The following SGCB variants were observed in gnomAD, a reference collection of about 807,000 sequenced individuals.
SGCB encodes beta-sarcoglycan.
SGCB carries 25 observed loss-of-function variants against 27.3 expected under a neutral mutation model. The observed-to-expected ratio is 0.92, with a 90% CI of 0.67 to 1.28. The LOEUF (loss-of-function observed/expected upper bound fraction) is 1.28, where lower values mean the gene tolerates loss of function less well. SGCB is among the 50% of genes most tolerant of loss of function. The pLI is 0.00. For synonymous variants in SGCB, 147 were observed against 133.5 expected, an observed-to-expected ratio of 1.10 and a Z score of -0.70; for missense variants, 436 against 402.1, an observed-to-expected ratio of 1.08 and a Z score of -0.72.
chr4:52,028,412 C>A (rs936142422), intron 4 of SGCB, among the ~76,000 whole-genome samples: 2 of 152,082 alleles, frequency 1.3e-5, no homozygotes, highest in Non-Finnish European at 2.9e-5. Flanking sequence ...CCGAGACGGG[C>A]GGATCACGAG....
intron 1 of SGCB, 23 bp from the exon 2 acceptor site, chr4:52,033,663 TG>T: frequency 6.4e-7 from 1 of 1,558,530 alleles, no homozygotes; most frequent in Non-Finnish European, 8.9e-7. Context: ...TACAACATAA[TG>T]GAACAGCTAT....
At chr4:52,024,625 G>C (rs780625287) in intron 5 of SGCB, among the ~76,000 whole-genome samples, 1 of 151,832 alleles carries the variant, frequency 6.6e-6, no homozygotes, top group Non-Finnish European at 1.5e-5. Context: ...TCAGGAGATC[G>C]AGACCATCCT....
At chr4:52,037,845 C>T (rs1010660971) in intron 1 of SGCB, among the ~76,000 whole-genome samples, 5 of 152,204 alleles carry the variant, frequency 3.3e-5, no homozygotes, top group Admixed American at 6.5e-5. Context: ...GAGGAGCCTT[C>T]TCGCTGGGGC....
At position 52,029,875 on chromosome 4, in the gene SGCB, C is replaced by T. The variant is rs766755386; in HGVS notation, c.244-12G>A. On this transcript the variant is annotated splice_polypyrimidine_tract_variant and intron_variant, in intron 2 of 5. Coordinates refer to ENST00000381431, the MANE Select transcript of SGCB (RefSeq NM_000232.5). ...ATAACAAGTGTTATCTGAAAAAGAA[C>T]ACAAGTCCACTGTTGGTAGGCCGCA... is the stretch of plus-strand genomic sequence containing the variant. The T allele has an allele frequency of 4.4e-6, 7 of 1,603,996 alleles. No individual in the cohort carries two copies. The East Asian group carries it at 1.6e-4, about 36-fold the overall frequency.
intron 2 of SGCB, among the ~76,000 whole-genome samples, chr4:52,031,455 C>T (rs901205407): frequency 1.5e-5 from 2 of 137,678 alleles, no homozygotes; most frequent in African/African-American, 5.7e-5. Context: ...TGTGTGCACG[C>T]GCATATCTAT....
Position 52,033,521 on chromosome 4 carries a change from A to T in SGCB, c.153T>A (p.Arg51=). ...TTCCTCTCAACCCTGTTTTGTGGAG[A>T]CGATCTTCATCAATCGGAATGTATC... ...KAGYIPIDED[R]LHKTGLRGRK... Residue 51 remains arginine, a synonymous_variant, in exon 2 of 6, where the codon CGT becomes CGA. Transcript: ENST00000381431. The T allele has an allele frequency of 6.2e-7, 1 of 1,613,874 alleles. No individual in the cohort carries two copies. Among genetic ancestry groups the T allele is most frequent in the Non-Finnish European group, 8.5e-7 (1 of 1,179,818 alleles).
chr4:52,029,968 G>A, intron 2 of SGCB, 105 bp from the exon 3 acceptor site: 1 of 826,690 alleles, frequency 1.2e-6, no homozygotes, highest in Non-Finnish European at 2.0e-6. Context: ...CTCCTAAAAT[G>A]TTTTATCAGT....
At position 52,024,175 on chromosome 4, in the gene SGCB, G is replaced by C; in HGVS notation, c.754-15C>G. The C allele has an allele frequency of 6.2e-7, 1 of 1,601,268 alleles. No individual in the cohort carries two copies. Among genetic ancestry groups the C allele is most frequent in the Non-Finnish European group, 8.6e-7 (1 of 1,169,278 alleles). The stretch of plus-strand genomic sequence containing the variant: ...ATACTGTTTTCCTATTAGGAGAATA[G>C]TAATATGATTTATTTACCTCCATGA... On this transcript the variant is annotated splice_polypyrimidine_tract_variant and intron_variant, in intron 5 of 5. Transcript: ENST00000381431.
At position 52,031,924 on chromosome 4, in the gene SGCB, G is replaced by A. The variant is rs536150260; in HGVS notation, c.243+1507C>T. ...TTTTCTATATGCATCAGGAATCCCA[G>A]AGAAGGCTCTTCTGTCTCTTGCCTG... is the stretch of plus-strand genomic sequence containing the variant. On this transcript the variant is annotated intron_variant, in intron 2 of 5. Transcript: ENST00000381431. 80 of 456,062 alleles carry A rather than the reference G, an allele frequency of 1.8e-4. No individual in the cohort carries two copies. In the East Asian group the frequency reaches 5.1e-3, roughly 29 times the overall value. The allele number at this position is 456,062 out of a possible 1,614,324, so 28.3% of individuals were successfully genotyped here. A position where few individuals can be genotyped will look rare whatever the true frequency, so the allele number is the denominator to read the frequency against.
chr4:52,031,787 A>T (rs1473119694), intron 2 of SGCB: 1 of 395,202 alleles, frequency 2.5e-6, no homozygotes, highest in Non-Finnish European at 5.0e-6. Flanking sequence ...CTTAGTGATG[A>T]ATTCATAGAA....
chr4:52,035,402 G>A (rs1737360046), intron 1 of SGCB, among the ~76,000 whole-genome samples: 1 of 152,196 alleles, frequency 6.6e-6, no homozygotes, highest in African/African-American at 2.4e-5. Context: ...TTCAAAGGGA[G>A]GAGAGACAGG....
chr4:52,033,820 A>G (rs1036933665), intron 1 of SGCB, among the ~76,000 whole-genome samples, 180 bp from the exon 2 acceptor site: 1 of 152,198 alleles, frequency 6.6e-6, no homozygotes, highest in African/African-American at 2.4e-5. Context: ...GCTTAGAAGG[A>G]AAGTACAGAA....
Position 52,023,998 on chromosome 4 carries a change from C to T in SGCB, c.916G>A (p.Gly306Ser), listed in dbSNP as rs772119272. ...FKVQVTSQNM[G>S]CQISDNPCGN... ...CAGGGGTTGTCTGAGATTTGGCAGC[C>T]CATGTTCTGGCTGGTTACTTGCACC... is the stretch of plus-strand genomic sequence containing the variant. The change falls in exon 6 of 6, where the codon GGC becomes AGC. Residue 306 changes from glycine to serine, a missense_variant. Coordinates refer to ENST00000381431, the MANE Select transcript of SGCB (RefSeq NM_000232.5). 2.5e-6 allele frequency: 4 copies of T among 1,614,156 alleles called. No homozygotes were observed. Among genetic ancestry groups the T allele is most frequent in the Non-Finnish European group, 2.5e-6 (3 of 1,180,024 alleles).
intron 1 of SGCB, among the ~76,000 whole-genome samples, chr4:52,036,289 G>A (rs1204976904): frequency 6.6e-6 from 1 of 152,192 alleles, no homozygotes; most frequent in Non-Finnish European, 1.5e-5. Flanking sequence ...GAGACTTTGA[G>A]AGGCAACCAT....
At chr4:52,036,147 C>T (rs1737385193) in intron 1 of SGCB, among the ~76,000 whole-genome samples, 1 of 152,176 alleles carries the variant, frequency 6.6e-6, no homozygotes, top group African/African-American at 2.4e-5. Context: ...GAATGCATCT[C>T]CACCTAGCAG....
chr4:52,028,546 G>A (rs913398027), intron 4 of SGCB, among the ~76,000 whole-genome samples, 184 bp downstream of exon 4: 1 of 152,068 alleles, frequency 6.6e-6, no homozygotes, highest in Non-Finnish European at 1.5e-5. Context: ...TGAGGCAGGA[G>A]AATGGCGTGA....
intron 1 of SGCB, among the ~76,000 whole-genome samples, chr4:52,036,513 C>A (rs1224836351): frequency 6.6e-6 from 1 of 152,118 alleles, no homozygotes; most frequent in East Asian, 1.9e-4. Context: ...GTAGTAAAAT[C>A]ACTCCAAAAA....
chr4:52,031,039 T>C (rs1268657945), intron 2 of SGCB, among the ~76,000 whole-genome samples: 1 of 152,218 alleles, frequency 6.6e-6, no homozygotes, highest in Non-Finnish European at 1.5e-5. Context: ...GTATTCTTTA[T>C]ACATAACCTG....
At chr4:52,033,933 A>G (rs890442218) in intron 1 of SGCB, among the ~76,000 whole-genome samples, 8 of 152,164 alleles carry the variant, frequency 5.3e-5, no homozygotes, top group Admixed American at 2.0e-4. Flanking sequence ...TACGTATCCT[A>G]TAGTGAGTAA....
Sources: allele counts gnomAD v4.1 joint callset (sites outside exome capture counted in the v4.1 genomes callset), GRCh38; gene constraint gnomAD v4.1.1; transcripts MANE v1.5; gene names NCBI Gene and HGNC (gene_info 2026-07-23, HGNC 2026-07-21).